Variants in PDE4D observed in about 807,000 individuals in gnomAD.
PDE4D encodes phosphodiesterase 4D.
Under a neutral mutation model 87.4 loss-of-function variants are expected in PDE4D, and 24 were observed. The ratio of observed to expected loss-of-function variants is 0.27; its 90% CI spans 0.20 to 0.39. The LOEUF (loss-of-function observed/expected upper bound fraction) is 0.39. PDE4D is among the 10% of genes least tolerant of loss of function. PDE4D has a pLI of 1.00. For synonymous variants in PDE4D, 384 were observed against 383.2 expected, an observed-to-expected ratio of 1.00 and a Z score of -0.02; for missense variants, 714 against 1,041.0, an observed-to-expected ratio of 0.69 and a Z score of 4.32.
At chr5:59,017,467 T>A (rs1754263695) in intron 6 of PDE4D, among the ~76,000 whole-genome samples, 1 of 152,142 alleles carries the variant, frequency 6.6e-6, no homozygotes. Context: ...AAGAATCCTA[T>A]GAGACAAGAC....
intron 1 of PDE4D, among the ~76,000 whole-genome samples, chr5:59,456,187 C>T (rs1799898620): frequency 6.6e-6 from 1 of 152,154 alleles, no homozygotes; most frequent in Non-Finnish European, 1.5e-5. Flanking sequence ...TGGCTGTGTC[C>T]CCATCCAAAT....
At chr5:59,747,909 C>T (rs1452377340) in intron 1 of PDE4D, among the ~76,000 whole-genome samples, 1 of 152,140 alleles carries the variant, frequency 6.6e-6, no homozygotes, top group Admixed American at 6.6e-5. Context: ...TGTCCCCTTT[C>T]TGCTGCTTCT....
At position 59,583,362 on chromosome 5, in the gene PDE4D, A is replaced by G. The variant is rs915074443; in HGVS notation, c.455+309806T>C. Among the ~76,000 whole-genome samples, 9 of 152,118 alleles carry G rather than the reference A, an allele frequency of 5.9e-5. No homozygotes were observed. In the South Asian group the frequency reaches 1.4e-3, roughly 24 times the overall value. On this transcript the variant is annotated intron_variant, in intron 1 of 14. Coordinates refer to ENST00000340635, the MANE Select transcript of PDE4D (RefSeq NM_001104631.2). ...GACTTGCATTTCCCTTCTTTCAACC[A>G]TGCCATACTTGTTCCTGAATGCCAG...
chr5:59,620,659 C>T (rs1359767195), intron 1 of PDE4D, among the ~76,000 whole-genome samples: 2 of 152,166 alleles, frequency 1.3e-5, no homozygotes, highest in East Asian at 1.9e-4. Flanking sequence ...AATCTTTCAA[C>T]ACTTCAGCCC....
At chr5:59,660,288 T>C (rs1745027280) in intron 1 of PDE4D, among the ~76,000 whole-genome samples, 1 of 152,192 alleles carries the variant, frequency 6.6e-6, no homozygotes, top group African/African-American at 2.4e-5. Context: ...TAGTATTTTA[T>C]TCTAATGAAC....
At chr5:59,785,169 T>C (rs911355951) in intron 1 of PDE4D, among the ~76,000 whole-genome samples, 5 of 152,212 alleles carry the variant, frequency 3.3e-5, no homozygotes, top group Non-Finnish European at 5.9e-5. Context: ...TACAATATCA[T>C]GTACAAATAG....
chr5:60,217,781 A>G (rs1744030472), intron 1 of PDE4D, among the ~76,000 whole-genome samples: 1 of 151,990 alleles, frequency 6.6e-6, no homozygotes, highest in Non-Finnish European at 1.5e-5. Context: ...GAAGGCCAGT[A>G]AGCATATGAA....
intron 1 of PDE4D, among the ~76,000 whole-genome samples, chr5:60,395,976 T>C (rs17839379): frequency 0.4 from 60,315 of 151,920 alleles, 14,431 homozygotes; most frequent in African/African-American, 0.66. Flanking sequence ...AGGCATGTGA[T>C]AGCTAAAACC....
intron 1 of PDE4D, among the ~76,000 whole-genome samples, chr5:59,812,816 G>A (rs1004950944): frequency 6.6e-6 from 1 of 152,106 alleles, no homozygotes; most frequent in Admixed American, 6.5e-5. Flanking sequence ...ATATTATTTT[G>A]CAATCTTATT....
intron 1 of PDE4D, among the ~76,000 whole-genome samples, chr5:59,658,949 G>A (rs184048546): frequency 6.6e-6 from 1 of 152,104 alleles, no homozygotes; most frequent in Admixed American, 6.5e-5. Flanking sequence ...GGTACGGTGA[G>A]CTATGACTGC....
At chr5:60,052,810 C>G (rs2152880803) in intron 2 of PDE4D, among the ~76,000 whole-genome samples, 1 of 152,296 alleles carries the variant, frequency 6.6e-6, no homozygotes, top group South Asian at 2.1e-4. Context: ...AGGCCCAAAT[C>G]TCCTTAAGCT....
At chr5:59,571,471 A>G (rs1385631569) in intron 1 of PDE4D, among the ~76,000 whole-genome samples, 1 of 152,212 alleles carries the variant, frequency 6.6e-6, no homozygotes, top group Non-Finnish European at 1.5e-5. Flanking sequence ...GAATGAAGAT[A>G]GATTTTGGGG....
chr5:59,274,872 T>C (rs905328442), intron 1 of PDE4D, among the ~76,000 whole-genome samples: 3 of 128,268 alleles, frequency 2.3e-5, no homozygotes, highest in African/African-American at 7.6e-5. Flanking sequence ...TTTAGCCACA[T>C]AGTTAAATTC....
At chr5:60,316,350 T>C (rs2149826315) in intron 1 of PDE4D, among the ~76,000 whole-genome samples, 1 of 152,340 alleles carries the variant, frequency 6.6e-6, no homozygotes, top group East Asian at 1.9e-4. Flanking sequence ...CCTGAGACTT[T>C]GCTGAAGTTG....
chr5:59,670,360 C>T (rs896031235), intron 1 of PDE4D, among the ~76,000 whole-genome samples: 1 of 152,138 alleles, frequency 6.6e-6, no homozygotes, highest in African/African-American at 2.4e-5. Context: ...GCAAAATGTT[C>T]CACAATCCAA....
intron 3 of PDE4D, among the ~76,000 whole-genome samples, chr5:59,192,866 C>T (rs1744646518): frequency 6.6e-6 from 1 of 152,188 alleles, no homozygotes; most frequent in Admixed American, 6.5e-5. Context: ...GCAGCCTGGG[C>T]ACTGGGATAA....
chr5:60,072,357 G>T (rs1772819266), intron 2 of PDE4D, among the ~76,000 whole-genome samples: 1 of 151,788 alleles, frequency 6.6e-6, no homozygotes, highest in Non-Finnish European at 1.5e-5. Context: ...TTTTTAATGG[G>T]GTTGTTTAAT....
intron 5 of PDE4D, among the ~76,000 whole-genome samples, chr5:59,171,742 G>T: frequency 6.9e-6 from 1 of 144,462 alleles, no homozygotes; most frequent in Non-Finnish European, 1.5e-5. Context: ...GCATTTCCTA[G>T]GTAGAGCCAC....
chr5:59,087,920 C>G (rs1768008282), intron 5 of PDE4D, among the ~76,000 whole-genome samples: 1 of 152,158 alleles, frequency 6.6e-6, no homozygotes, highest in South Asian at 2.1e-4. Flanking sequence ...CTTCTCTAGT[C>G]TTGAAATGGT....
Sources: gnomAD v4.1 joint callset for allele counts (sites outside exome capture counted in the v4.1 genomes callset) on GRCh38, gnomAD v4.1.1 for gene constraint, MANE v1.5 for transcripts, NCBI Gene and HGNC (gene_info 2026-07-23, HGNC 2026-07-21) for gene names.